The following AP1M1 variants were observed in gnomAD, a reference collection of about 807,000 sequenced individuals.
The protein encoded by AP1M1 is adaptor related protein complex 1 subunit mu 1, also known as AP-1 complex subunit mu-1.
AP1M1 carries 18 observed loss-of-function variants against 57.1 expected under a neutral mutation model. That is an observed-to-expected ratio of 0.32 (90% CI 0.22 to 0.47). The LOEUF is 0.47. AP1M1 is among the 20% of genes least tolerant of loss of function. AP1M1 has a pLI of 1.00. For synonymous variants in AP1M1, 241 were observed against 237.9 expected, an observed-to-expected ratio of 1.01 and a Z score of -0.12; for missense variants, 362 against 593.5, an observed-to-expected ratio of 0.61 and a Z score of 4.05.
intron 1 of AP1M1, among the ~76,000 whole-genome samples, chr19:16,198,496 C>T (rs1301181929): frequency 6.6e-6 from 1 of 152,182 alleles, no homozygotes; most frequent in Non-Finnish European, 1.5e-5. Flanking sequence ...CCCGCCTTCT[C>T]AGGGCGTTAC....
At chr19:16,230,839 A>G (rs553424282) in intron 9 of AP1M1, among the ~76,000 whole-genome samples, 1 of 152,338 alleles carries the variant, frequency 6.6e-6, no homozygotes, top group African/African-American at 2.4e-5. Flanking sequence ...CCATGCATAG[A>G]AAACAAAATT....
Position 16,209,153 on chromosome 19 carries a change from C to T in AP1M1, c.522C>T (p.Asp174=), listed in dbSNP as rs747653326. The change falls in exon 5 of 12, where the codon GAC becomes GAT. Residue 174 remains aspartate, a synonymous_variant. Transcript: ENST00000291439. ...IKYRKNEVFL[D]VIESVNLLVS... is the part of the protein sequence containing the mutation. ...ATCGGAAGAATGAGGTGTTCTTGGA[C>T]GTCATCGAGTCTGTCAACCTCTTGG... 3 of 1,614,056 alleles carry T rather than the reference C, an allele frequency of 1.9e-6. No individual in the cohort carries two copies. Among genetic ancestry groups the T allele is most frequent in the Admixed American group, 3.3e-5 (2 of 60,004 alleles).
At position 16,235,158 on chromosome 19, in the gene AP1M1, C is replaced by CA. The variant is rs554114877; in HGVS notation, c.*724dup. Reference sequence around the variant, plus strand: ...GCCTGGGTCACGAGATGCTGTCACTCAGCCAGATCAGTATTGACCCACCAG... The same window carrying CA: ...GCCTGGGTCACGAGATGCTGTCACTCAAGCCAGATCAGTATTGACCCACCAG... On this transcript the variant is annotated 3_prime_UTR_variant, in exon 12 of 12. Transcript: ENST00000291439. 3.9e-5 allele frequency: 6 copies of CA among 152,568 alleles called. No homozygotes were observed. The South Asian group carries it at 1.2e-3, about 32-fold the overall frequency. The allele number at this position is 152,568 out of a possible 1,614,324, so 9.5% of individuals were successfully genotyped here. A position where few individuals can be genotyped will look rare whatever the true frequency, so the allele number is the denominator to read the frequency against.
At position 16,235,248 on chromosome 19, in the gene AP1M1, G is replaced by A. The variant is rs953290016; in HGVS notation, c.*813G>A. 6.6e-6 allele frequency: 1 copy of A among 152,318 alleles called. No homozygotes were observed. The highest frequency in any genetic ancestry group is 1.5e-5 in the Non-Finnish European group (1 of 68,126). 9.4% of individuals were successfully genotyped at this position (152,318 alleles called of 1,614,324 possible). A position where few individuals can be genotyped will look rare whatever the true frequency, so the allele number is the denominator to read the frequency against. On this transcript the variant is annotated 3_prime_UTR_variant, in exon 12 of 12. Coordinates refer to ENST00000291439, the MANE Select transcript of AP1M1 (RefSeq NM_032493.4). ...TTTCCCACTGAGGGTCCAGAGAGCG[G>A]GGCCACGTGTCACCCACGTCTGCGC...
At chr19:16,198,735 G>C (rs1236735233) in intron 1 of AP1M1, among the ~76,000 whole-genome samples, 3 of 152,134 alleles carry the variant, frequency 2.0e-5, no homozygotes, top group Admixed American at 1.3e-4. Flanking sequence ...GCTGATATCT[G>C]GGGAGCACCT....
chr19:16,211,419 G>C (rs1161185940), intron 5 of AP1M1, among the ~76,000 whole-genome samples: 5 of 152,140 alleles, frequency 3.3e-5, no homozygotes, highest in Non-Finnish European at 5.9e-5. Flanking sequence ...AATAGGAGTG[G>C]TGAGAGAGGG....
intron 9 of AP1M1, among the ~76,000 whole-genome samples, chr19:16,231,945 C>T (rs748723999): frequency 1.1e-4 from 17 of 152,210 alleles, no homozygotes; most frequent in African/African-American, 3.6e-4. Context: ...TTGATATGTG[C>T]CCATGGGTGG....
At position 16,245,689 on chromosome 19, in the gene AP1M1, C is replaced by T. The variant is rs1403064652; in HGVS notation, c.*11254C>T. ...TTAGCTGGAGCATTAAGTCCCTTTACATTTAATGTAATAACTGATATTACA... is the reference window on the plus strand; with the variant it reads ...TTAGCTGGAGCATTAAGTCCCTTTATATTTAATGTAATAACTGATATTACA... On this transcript the variant is annotated 3_prime_UTR_variant, in exon 12 of 12. Coordinates refer to ENST00000291439, the MANE Select transcript of AP1M1 (RefSeq NM_032493.4). The T allele has an allele frequency of 6.6e-6, 1 of 152,136 alleles. No homozygotes were observed. The highest frequency in any genetic ancestry group is 1.5e-5 in the Non-Finnish European group (1 of 68,028). 9.4% of individuals were successfully genotyped at this position (152,136 alleles called of 1,614,324 possible).
intron 5 of AP1M1, among the ~76,000 whole-genome samples, chr19:16,214,356 CT>C (rs36058142): frequency 1.7e-4 from 23 of 131,934 alleles, no homozygotes; most frequent in Admixed American, 2.3e-4. Context: ...TGCACCCGGC[CT>C]TTTTTTTTTT....
chr19:16,213,886 C>G (rs1240839696), intron 5 of AP1M1, among the ~76,000 whole-genome samples: 1 of 152,098 alleles, frequency 6.6e-6, no homozygotes, highest in Admixed American at 6.6e-5. Context: ...GCATTTAGCC[C>G]ATTTACATTC....
intron 9 of AP1M1, among the ~76,000 whole-genome samples, chr19:16,231,765 A>G (rs888458359): frequency 2.0e-5 from 3 of 152,144 alleles, no homozygotes; most frequent in Admixed American, 6.5e-5. Flanking sequence ...CCTCTTCAAG[A>G]TCCAGCTTCC....
chr19:16,228,030 C>A lies in AP1M1; in HGVS notation c.817-107C>A. 8.4e-7 allele frequency: 1 copy of A among 1,196,410 alleles called. No homozygotes were observed. Among genetic ancestry groups the A allele is most frequent in the Non-Finnish European group, 1.2e-6 (1 of 828,158 alleles). The allele number at this position is 1,196,410 out of a possible 1,614,324, so 74.1% of individuals were successfully genotyped here. On this transcript the variant is annotated intron_variant, in intron 7 of 11. Coordinates refer to ENST00000291439, the MANE Select transcript of AP1M1 (RefSeq NM_032493.4). This position sits in a 1 kb window ranked among gnomAD's most constrained non-coding sequence, Gnocchi z 5.0. ...GTACGCTCCCTGCAGGGCTCTGGGC[C>A]CACACCTGGGCAGATGGTCCCTTGC... is the stretch of plus-strand genomic sequence containing the variant.
At position 16,245,484 on chromosome 19, in the gene AP1M1, T is replaced by G. The variant is rs1473429078; in HGVS notation, c.*11049T>G. The G allele has an allele frequency of 6.6e-6, 1 of 152,074 alleles. No individual in the cohort carries two copies. The highest frequency in any genetic ancestry group is 2.4e-5 in the African/African-American group (1 of 41,384). The allele number at this position is 152,074 out of a possible 1,614,324, so 9.4% of individuals were successfully genotyped here. On this transcript the variant is annotated 3_prime_UTR_variant, in exon 12 of 12. Coordinates refer to ENST00000291439, the MANE Select transcript of AP1M1 (RefSeq NM_032493.4). The stretch of plus-strand genomic sequence containing the variant: ...TTTATAGAGTTGTGGTTTCACCATA[T>G]TGGCCAAGCTGGTCTAGAACTCCTG...
chr19:16,219,087 C>T (rs1232036541), intron 5 of AP1M1, among the ~76,000 whole-genome samples: 2 of 147,148 alleles, frequency 1.4e-5, no homozygotes, highest in African/African-American at 2.5e-5. Context: ...TTTAATCATG[C>T]GTGGGTGTTG....
chr19:16,206,428 G>T lies in AP1M1; in HGVS notation c.267+20G>T. ...GTGCAGGTGAGTCTCGCTCGGAGGGGCCGTGGGCTTGGGTGGAGGTTGTCT... is the reference window on the plus strand; with the variant it reads ...GTGCAGGTGAGTCTCGCTCGGAGGGTCCGTGGGCTTGGGTGGAGGTTGTCT... On this transcript the variant is annotated intron_variant, in intron 3 of 11. Coordinates refer to ENST00000291439, the MANE Select transcript of AP1M1 (RefSeq NM_032493.4). The surrounding 1 kb of genome is among the most constrained non-coding windows in gnomAD (Gnocchi z 4.3). The T allele has an allele frequency of 6.2e-7, 1 of 1,613,638 alleles. No individual in the cohort carries two copies. The highest frequency in any genetic ancestry group is 1.3e-5 in the African/African-American group (1 of 75,014).
At chr19:16,231,941 T>C (rs938048724) in intron 9 of AP1M1, among the ~76,000 whole-genome samples, 9 of 152,244 alleles carry the variant, frequency 5.9e-5, no homozygotes, top group African/African-American at 2.2e-4. Flanking sequence ...GAATTTGATA[T>C]GTGCCCATGG....
intron 6 of AP1M1, chr19:16,226,757 G>A (rs2091572975): frequency 4.8e-6 from 3 of 624,374 alleles, no homozygotes; most frequent in Admixed American, 3.4e-5. Context: ...CTCCAGTCCA[G>A]CTGGGAGGCC....
chr19:16,211,966 G>T (rs565729984), intron 5 of AP1M1, among the ~76,000 whole-genome samples: 3 of 152,294 alleles, frequency 2.0e-5, no homozygotes, highest in East Asian at 3.9e-4. Flanking sequence ...GATTGTGGCG[G>T]ATTAGCTTTT....
In AP1M1 at chr19:16,206,466, T is replaced by C; in HGVS notation, c.267+58T>C. The C allele has an allele frequency of 1.9e-6, 3 of 1,579,464 alleles. No individual in the cohort carries two copies. The Admixed American group carries it at 5.0e-5, about 26-fold the overall frequency. On this transcript the variant is annotated intron_variant, in intron 3 of 11. Transcript: ENST00000291439. The surrounding 1 kb of genome is among the most constrained non-coding windows in gnomAD (Gnocchi z 4.3). ...GTGGAGGTTGTCTTGGCTCTGCTTG[T>C]GGACCTCCCCATACCTGGCCACCCT...
Sources: gnomAD v4.1 joint callset for allele counts (sites outside exome capture counted in the v4.1 genomes callset) on GRCh38, gnomAD v4.1.1 for gene constraint, Gnocchi (gnomAD v3.1) non-coding constraint, MANE v1.5 for transcripts, NCBI Gene and HGNC (gene_info 2026-07-23, HGNC 2026-07-21) for gene names.